Variants in APBA2 observed in about 807,000 individuals in gnomAD.
APBA2 encodes the protein amyloid beta precursor protein binding family A member 2.
Under a neutral mutation model 75.0 loss-of-function variants are expected in APBA2, and 30 were observed. The observed-to-expected ratio is 0.40, with a 90% CI of 0.30 to 0.54. APBA2 has a LOEUF of 0.54. Ranked by LOEUF, APBA2 falls within the 20% of genes least tolerant of loss-of-function variation. The probability of loss-of-function intolerance (pLI) is 0.49; values close to 1 mark genes in which losing one functional copy is unlikely to be tolerated. For missense variants in APBA2, 801 were observed against 1,016.1 expected (o/e 0.79, Z 2.88); for synonymous variants, 444 against 409.6 (o/e 1.08, Z -1.01).
intron 1 of APBA2, among the ~76,000 whole-genome samples, chr15:28,891,123 A>G (rs907684688): frequency 6.6e-6 from 1 of 152,246 alleles, no homozygotes; most frequent in African/African-American, 2.4e-5. Flanking sequence ...TTTGATGGCG[A>G]AACCACTGGA....
intron 1 of APBA2, among the ~76,000 whole-genome samples, chr15:28,907,514 G>A (rs1202367311): frequency 6.6e-6 from 1 of 152,164 alleles, no homozygotes; most frequent in Non-Finnish European, 1.5e-5. Flanking sequence ...CAGAGCAGCT[G>A]TCCGTGGGCT....
intron 5 of APBA2, 33 bp downstream of exon 5, chr15:29,075,034 G>GCCCA: frequency 2.0e-6 from 3 of 1,488,082 alleles, no homozygotes; most frequent in Non-Finnish European, 2.8e-6. Context: ...GTTCTGGGCT[G>GCCCA]GAACACTCAT....
At chr15:28,944,329 G>A (rs1049873231) in intron 2 of APBA2, among the ~76,000 whole-genome samples, 40 of 152,138 alleles carry the variant, frequency 2.6e-4, no homozygotes, top group African/African-American at 9.2e-4. Context: ...TGTACGCTCA[G>A]TCACCCCAGA....
In APBA2 at chr15:29,001,678, G is replaced by A. The variant is rs2038855526; in HGVS notation, c.-41+5872G>A. ...CCTGGAAGAGGCAAAGAGAGGACAA[G>A]GAGCTGGCTGTTACTATTTGCTTGC... is the stretch of plus-strand genomic sequence containing the variant. On this transcript the variant is annotated intron_variant, in intron 3 of 14. Coordinates refer to ENST00000683413, the MANE Select transcript of APBA2 (RefSeq NM_001353788.2). Among the ~76,000 whole-genome samples the A allele has an allele frequency of 3.3e-5, 5 of 152,232 alleles. No individual in the cohort carries two copies. In the South Asian group the frequency reaches 1.0e-3, roughly 32 times the overall value.
rs926516760 is a variant in APBA2, at chr15:29,025,989, C to T, written c.-40-27856C>T. Among the ~76,000 whole-genome samples the T allele has an allele frequency of 4.6e-5, 7 of 151,004 alleles. No homozygotes were observed. The East Asian group carries it at 5.8e-4, about 13-fold the overall frequency. On this transcript the variant is annotated intron_variant, in intron 3 of 14. Transcript: ENST00000683413. ...AAGAAAAGAAATGGCCCAGAGATGG[C>T]GGGCTGGATAACATATCGGCCTTCC...
intron 4 of APBA2, among the ~76,000 whole-genome samples, chr15:29,058,028 T>C (rs2041978159): frequency 6.6e-6 from 1 of 152,218 alleles, no homozygotes; most frequent in Non-Finnish European, 1.5e-5. Flanking sequence ...TCCTCATCTT[T>C]AGTACATTTT....
chr15:28,940,997 A>T (rs533652678), intron 2 of APBA2, among the ~76,000 whole-genome samples: 29 of 152,366 alleles, frequency 1.9e-4, no homozygotes, highest in African/African-American at 6.7e-4. Flanking sequence ...AAATCACAGT[A>T]GGTTGAAATG....
intron 2 of APBA2, among the ~76,000 whole-genome samples, chr15:28,992,218 G>A (rs980615711): frequency 6.6e-6 from 1 of 152,060 alleles, no homozygotes; most frequent in Non-Finnish European, 1.5e-5. Flanking sequence ...TTCCTGTCTC[G>A]GGCTCCCTCC....
chr15:28,892,639 ATGTGTG>A (rs772983227), intron 1 of APBA2, among the ~76,000 whole-genome samples: 1 of 149,878 alleles, frequency 6.7e-6, no homozygotes, highest in Non-Finnish European at 1.5e-5. Flanking sequence ...CTGTGTGTAT[ATGTGTG>A]TGTGTGTGTG....
intron 14 of APBA2, among the ~76,000 whole-genome samples, chr15:29,115,802 C>T (rs923221569): frequency 6.6e-6 from 1 of 152,110 alleles, no homozygotes; most frequent in Non-Finnish European, 1.5e-5. Flanking sequence ...CAGATCCCGG[C>T]GGGGGAGGGA....
intron 3 of APBA2, among the ~76,000 whole-genome samples, chr15:28,996,966 A>G (rs2038560920): frequency 6.6e-6 from 1 of 152,214 alleles, no homozygotes; most frequent in Non-Finnish European, 1.5e-5. Context: ...GTTCAGAATC[A>G]CAGTTTTTCT....
chr15:29,040,154 G>C (rs938049429), intron 3 of APBA2, among the ~76,000 whole-genome samples: 4 of 152,210 alleles, frequency 2.6e-5, no homozygotes, highest in African/African-American at 9.6e-5. Context: ...CAGAGCAGTA[G>C]CACCTACTAC....
intron 1 of APBA2, among the ~76,000 whole-genome samples, chr15:28,907,104 A>G (rs2033170197): frequency 6.6e-6 from 1 of 152,190 alleles, no homozygotes; most frequent in African/African-American, 2.4e-5. Flanking sequence ...ATGTTCTGCT[A>G]ATACTTGATA....
intron 2 of APBA2, among the ~76,000 whole-genome samples, chr15:28,940,785 T>G (rs2035176022): frequency 6.6e-6 from 1 of 152,052 alleles, no homozygotes; most frequent in Admixed American, 6.6e-5. Flanking sequence ...GGGCGGGAAA[T>G]GTACAAGTTG....
chr15:29,087,754 TA>T (rs145821696), intron 6 of APBA2, among the ~76,000 whole-genome samples: 8,480 of 152,106 alleles, frequency 0.056, 572 homozygotes, highest in African/African-American at 0.16. Flanking sequence ...ACTCCAGACC[TA>T]GGGGGCACTT....
chr15:28,957,694 G>C (rs1209382871), intron 2 of APBA2, among the ~76,000 whole-genome samples: 5 of 152,184 alleles, frequency 3.3e-5, no homozygotes, highest in Admixed American at 3.3e-4. Flanking sequence ...GGCCTGGTGA[G>C]CAGGGGCTCT....
chr15:29,079,593 G>A (rs542149643), intron 6 of APBA2, among the ~76,000 whole-genome samples: 1 of 152,178 alleles, frequency 6.6e-6, no homozygotes, highest in Non-Finnish European at 1.5e-5. Flanking sequence ...ATCAGCCCTG[G>A]GTGCCTGCCG....
Position 29,093,149 on chromosome 15 carries a change from C to T in APBA2, c.1144C>T (p.Leu382=), listed in dbSNP as rs1211886245. The T allele has an allele frequency of 1.9e-6, 3 of 1,614,160 alleles. No individual in the cohort carries two copies. Among genetic ancestry groups the T allele is most frequent in the African/African-American group, 2.7e-5 (2 of 74,960 alleles). The change falls in exon 7 of 15, where the codon CTG becomes TTG. Residue 382 remains leucine, a synonymous_variant. Transcript: ENST00000683413. The part of the protein sequence containing the change: ...FAANYLGSTQ[L]LSERNPSKNI... ...TGCCAATTACCTGGGGTCCACCCAG[C>T]TGCTATCAGAACGGAACCCTTCCAA... is the stretch of plus-strand genomic sequence containing the variant.
intron 14 of APBA2, 138 bp from the exon 15 acceptor site, chr15:29,116,924 G>C: frequency 1.1e-6 from 1 of 918,746 alleles, no homozygotes; most frequent in Non-Finnish European, 1.8e-6. Flanking sequence ...GCCTGGGCAG[G>C]CTGGCCTTCC....
Sources: allele counts gnomAD v4.1 joint callset (sites outside exome capture counted in the v4.1 genomes callset), GRCh38; gene constraint gnomAD v4.1.1; transcripts MANE v1.5; gene names NCBI Gene and HGNC (gene_info 2026-07-23, HGNC 2026-07-21).